Variants in ASPH observed in about 807,000 individuals in gnomAD.
ASPH encodes the protein aspartyl/asparaginyl beta-hydroxylase.
A neutral mutation model predicts 118.4 loss-of-function variants in ASPH; 100 were observed. That is an observed-to-expected ratio of 0.84 (90% CI 0.72 to 1.00). The LOEUF (loss-of-function observed/expected upper bound fraction) is 1.00. ASPH is among the 50% of genes least tolerant of loss of function. ASPH has a pLI of 0.00. For missense variants in ASPH, 920 were observed against 919.5 expected (o/e 1.00, Z -0.01); for synonymous variants, 315 against 325.6 (o/e 0.97, Z 0.35).
chr8:61,695,147 G>A (rs1267438195), intron 1 of ASPH, among the ~76,000 whole-genome samples: 1 of 152,138 alleles, frequency 6.6e-6, no homozygotes, highest in Non-Finnish European at 1.5e-5. Flanking sequence ...AAGTTCCAAC[G>A]TTCTTTCAAC....
At chr8:61,625,725 T>C (rs1376386414) in intron 13 of ASPH, 1 of 985,276 alleles carries the variant, frequency 1.0e-6, no homozygotes, top group Admixed American at 6.1e-5. Context: ...GTAGAAATTT[T>C]TGATAAGAAT....
intron 14 of ASPH, among the ~76,000 whole-genome samples, chr8:61,595,809 C>T (rs1842356214): frequency 2.0e-5 from 3 of 152,186 alleles, no homozygotes; most frequent in African/African-American, 7.2e-5. Flanking sequence ...CATTCAGGGG[C>T]CTAAAAACAG....
rs956141503 is a variant in ASPH at position 61,524,893 on chromosome 8, A to T, written c.1900+1084T>A. 1.8e-4 allele frequency among the ~76,000 whole-genome samples: 27 copies of T among 152,320 alleles called. No homozygotes were observed. In the East Asian group the frequency reaches 4.6e-3, roughly 26 times the overall value. The stretch of plus-strand genomic sequence containing the variant: ...TGGAATCAAAGTACAAGGTGAACAC[A>T]TAAGTGCCAATAGAATGGACTCATC... On this transcript the variant is annotated intron_variant, in intron 22 of 24. Transcript: ENST00000379454.
At chr8:61,657,065 G>C (rs1296863502) in intron 3 of ASPH, 2 of 152,098 alleles carry the variant, frequency 1.3e-5, no homozygotes, top group Non-Finnish European at 2.9e-5. Flanking sequence ...TAAGAAACAT[G>C]AACTATTTAG....
intron 24 of ASPH, among the ~76,000 whole-genome samples, chr8:61,507,378 G>A (rs1345773129): frequency 1.3e-5 from 2 of 152,210 alleles, no homozygotes; most frequent in Non-Finnish European, 2.9e-5. Context: ...TGGGGAAAGT[G>A]AGTGCTGTCG....
chr8:61,682,428 C>T (rs1472308737), intron 2 of ASPH: 2 of 1,611,940 alleles, frequency 1.2e-6, no homozygotes, highest in Non-Finnish European at 1.7e-6. Flanking sequence ...AATGCAACTC[C>T]AATAGCCTAC....
At chr8:61,590,030 GT>G (rs900951914) in intron 14 of ASPH, among the ~76,000 whole-genome samples, 2 of 151,950 alleles carry the variant, frequency 1.3e-5, no homozygotes, top group Admixed American at 6.6e-5. Context: ...TTATTGTTAG[GT>G]TTTTTTGTTT....
chr8:61,527,393 C>T (rs1023269765), intron 21 of ASPH, among the ~76,000 whole-genome samples: 2 of 152,140 alleles, frequency 1.3e-5, no homozygotes, highest in Non-Finnish European at 2.9e-5. Context: ...GGCTGCAGAG[C>T]CAGAAGGCTG....
At chr8:61,508,181 A>T (rs1167144413) in intron 24 of ASPH, among the ~76,000 whole-genome samples, 1 of 151,990 alleles carries the variant, frequency 6.6e-6, no homozygotes, top group African/African-American at 2.4e-5. Context: ...CATCCAGCTA[A>T]TTTTTGGATT....
intron 19 of ASPH, among the ~76,000 whole-genome samples, chr8:61,554,712 T>C (rs1044579792): frequency 6.7e-6 from 1 of 149,230 alleles, no homozygotes; most frequent in Non-Finnish European, 1.5e-5. Context: ...TCTTGCTCTG[T>C]TTTTTTTGTT....
intron 17 of ASPH, among the ~76,000 whole-genome samples, chr8:61,563,577 A>G (rs189279823): frequency 3.1e-4 from 47 of 152,334 alleles, no homozygotes; most frequent in African/African-American, 1.1e-3. Context: ...GTTGCCCACA[A>G]TCTAGGAGAG....
chr8:61,636,009 T>C (rs967429603), intron 12 of ASPH, among the ~76,000 whole-genome samples: 2 of 152,218 alleles, frequency 1.3e-5, no homozygotes, highest in African/African-American at 4.8e-5. Flanking sequence ...TAGTAGGCCT[T>C]GCAAGGCCCT....
chr8:61,648,028 G>A (rs7830237), intron 5 of ASPH, among the ~76,000 whole-genome samples: 72,697 of 151,864 alleles, frequency 0.48, 17,700 homozygotes, highest in Middle Eastern at 0.53. Flanking sequence ...GGATTAGGAC[G>A]AGTATGGGGT....
chr8:61,631,253 TA>T (rs1207594951), intron 13 of ASPH, among the ~76,000 whole-genome samples: 1 of 152,174 alleles, frequency 6.6e-6, no homozygotes, highest in Non-Finnish European at 1.5e-5. Context: ...ACAGTGTTTA[TA>T]AAATCTACAG....
rs1025250269 is a variant in ASPH, at chr8:61,567,326, A to T, written c.1150-8T>A. 1 of 1,611,708 alleles carries T rather than the reference A, an allele frequency of 6.2e-7. No homozygotes were observed. The highest frequency in any genetic ancestry group is 8.5e-7 in the Non-Finnish European group (1 of 1,178,826). ...AGCCAAATCATCCTCACACTAGAAG[A>T]AGTCCCCAGACTGGATAAATGTCCC... On this transcript the variant is annotated splice_region_variant and splice_polypyrimidine_tract_variant and intron_variant, in intron 16 of 24. Coordinates refer to ENST00000379454, the MANE Select transcript of ASPH (RefSeq NM_004318.4).
Position 61,651,075 on chromosome 8 carries a change from G to A in ASPH, c.465C>T (p.Leu155=). Residue 155 remains leucine (L), a synonymous_variant, in exon 5 of 25, where the codon CTC becomes CTT. Transcript: ENST00000379454. Reference sequence around the variant, plus strand: ...CATGTTCTGCGTGTACCATTTCATGGAGAAGGGACTGAATTTGTTCTTTTG... The same window carrying A: ...CATGTTCTGCGTGTACCATTTCATGAAGAAGGGACTGAATTTGTTCTTTTG... ...DEAKEQIQSL[L]HEMVHAEHVE... 2 of 1,613,748 alleles carry A rather than the reference G, an allele frequency of 1.2e-6. No individual in the cohort carries two copies. The highest frequency in any genetic ancestry group is 1.7e-4 in the Middle Eastern group (1 of 6,056).
intron 13 of ASPH, chr8:61,625,159 A>G: frequency 1.0e-6 from 1 of 985,714 alleles, no homozygotes; most frequent in Non-Finnish European, 1.2e-6. Context: ...TGTGGTAGCT[A>G]CCTTCTTTTC....
chr8:61,658,793 C>T lies in ASPH; in HGVS notation c.323-5133G>A, dbSNP rs767625970. ...TGGGTTCTTCAAAAACACACACACA[C>T]GGTTTTCTTCTTCCTAATATTCTTC... is the stretch of plus-strand genomic sequence containing the variant. On this transcript the variant is annotated intron_variant, in intron 3 of 24. Transcript: ENST00000379454. The T allele has an allele frequency of 5.3e-5, 8 of 152,232 alleles. 1 individual carries two copies. Among genetic ancestry groups the T allele is most frequent in the Non-Finnish European group, 4.4e-5 (3 of 68,020 alleles). 9.4% of individuals were successfully genotyped at this position (152,232 alleles called of 1,614,324 possible).
At chr8:61,614,648 G>T (rs113544019) in intron 14 of ASPH, among the ~76,000 whole-genome samples, 2,134 of 150,080 alleles carry the variant, frequency 0.014, 48 homozygotes, top group African/African-American at 0.05. Context: ...TTGGGTTTTT[G>T]TTGTTGTTGT....
Sources: allele counts gnomAD v4.1 joint callset (sites outside exome capture counted in the v4.1 genomes callset), GRCh38; gene constraint gnomAD v4.1.1; transcripts MANE v1.5; gene names NCBI Gene and HGNC (gene_info 2026-07-23, HGNC 2026-07-21).